Variants in RPH3A observed in about 807,000 individuals in gnomAD.
The protein encoded by RPH3A is rabphilin-3A.
A neutral mutation model predicts 102.2 loss-of-function variants in RPH3A; 48 were observed. That is an observed-to-expected ratio of 0.47 (90% confidence interval 0.37 to 0.60). The LOEUF (loss-of-function observed/expected upper bound fraction) is 0.60, where lower values mean the gene tolerates loss of function less well. Among genes scored for constraint, RPH3A ranks in the 20% least tolerant of loss-of-function variants. The probability of loss-of-function intolerance (pLI) is 0.00; values close to 1 mark genes in which losing one functional copy is unlikely to be tolerated. For synonymous variants in RPH3A, 310 were observed against 324.3 expected, an observed-to-expected ratio of 0.96 and a Z score of 0.47; for missense variants, 781 against 910.1, an observed-to-expected ratio of 0.86 and a Z score of 1.83.
chr12:112,806,842 G>A (rs2041475051), intron 2 of RPH3A, among the ~76,000 whole-genome samples: 1 of 152,090 alleles, frequency 6.6e-6, no homozygotes, highest in Non-Finnish European at 1.5e-5. Flanking sequence ...ATAAATGAAG[G>A]CAAAGATTCT....
chr12:112,633,177 G>A (rs979935661), intron 1 of RPH3A, among the ~76,000 whole-genome samples: 1 of 152,130 alleles, frequency 6.6e-6, no homozygotes, highest in Non-Finnish European at 1.5e-5. Flanking sequence ...TCTAGCCTGG[G>A]CAACAGAGCA....
At chr12:112,624,577 C>A (rs1166866101) in intron 1 of RPH3A, among the ~76,000 whole-genome samples, 1 of 150,698 alleles carries the variant, frequency 6.6e-6, no homozygotes, top group East Asian at 2.0e-4. Context: ...GTTTACCAAC[C>A]AAAAAGAGTC....
chr12:112,739,943 TCC>T (rs11344039), intron 1 of RPH3A, among the ~76,000 whole-genome samples: 2 of 151,790 alleles, frequency 1.3e-5, no homozygotes, highest in South Asian at 4.2e-4. Context: ...TCTCCCTTCA[TCC>T]CCCCCCAGCC....
At chr12:112,841,710 T>TTTTG (rs1004145674) in intron 4 of RPH3A, among the ~76,000 whole-genome samples, 5 of 150,718 alleles carry the variant, frequency 3.3e-5, no homozygotes, top group African/African-American at 1.2e-4. Context: ...TTTTTTGGTT[T>TTTTG]TTTTTTTTTT....
Position 112,756,184 on chromosome 12 carries a change from A to T in RPH3A, c.-139-35959A>T, listed in dbSNP as rs137954384. 9.1e-4 allele frequency among the ~76,000 whole-genome samples: 138 copies of T among 152,138 alleles called. 1 individual carries two copies. The highest frequency in any genetic ancestry group is 3.2e-3 in the African/African-American group (132 of 41,504). On this transcript the variant is annotated intron_variant, in intron 1 of 21. Transcript: ENST00000543106. ...CCTATTTGGTCATTACACATTGTAT[A>T]CATGTGTAATGTATTATTGACATCA...
chr12:112,742,399 G>A (rs182838619), intron 1 of RPH3A, among the ~76,000 whole-genome samples: 1 of 152,222 alleles, frequency 6.6e-6, no homozygotes, highest in East Asian at 1.9e-4. Context: ...ACGGCCATGA[G>A]GAAATCAGCT....
intron 2 of RPH3A, among the ~76,000 whole-genome samples, chr12:112,820,175 G>A (rs182211306): frequency 6.6e-5 from 10 of 152,322 alleles, no homozygotes; most frequent in African/African-American, 2.2e-4. Flanking sequence ...TTGGAGCACC[G>A]TGAAATCTAT....
chr12:112,696,681 T>G (rs1229556950), intron 1 of RPH3A, among the ~76,000 whole-genome samples: 1 of 152,148 alleles, frequency 6.6e-6, no homozygotes, highest in South Asian at 2.1e-4. Flanking sequence ...AGAGGAGAAT[T>G]CCCCCATCAA....
intron 13 of RPH3A, among the ~76,000 whole-genome samples, chr12:112,877,477 G>C (rs1162053984): frequency 7.0e-6 from 1 of 143,030 alleles, no homozygotes; most frequent in Non-Finnish European, 1.5e-5. Context: ...ATTTCCCCCC[G>C]CTAACCCTGG....
intron 1 of RPH3A, among the ~76,000 whole-genome samples, chr12:112,589,929 A>G (rs2039465352): frequency 6.6e-6 from 1 of 152,102 alleles, no homozygotes; most frequent in Non-Finnish European, 1.5e-5. Context: ...CTAAAAATAT[A>G]AAAATTATCT....
chr12:112,665,248 C>T (rs1467877737), intron 1 of RPH3A, among the ~76,000 whole-genome samples: 1 of 152,164 alleles, frequency 6.6e-6, no homozygotes, highest in Non-Finnish European at 1.5e-5. Context: ...ACTTGGACTC[C>T]AGGAACAAAT....
At chr12:112,837,295 G>A (rs931262381) in intron 4 of RPH3A, among the ~76,000 whole-genome samples, 5 of 152,090 alleles carry the variant, frequency 3.3e-5, no homozygotes, top group Non-Finnish European at 5.9e-5. Context: ...CTGGCTGGTG[G>A]TGGGATCGAA....
At chr12:112,882,415 G>A (rs1227468978) in intron 15 of RPH3A, among the ~76,000 whole-genome samples, 1 of 152,094 alleles carries the variant, frequency 6.6e-6, no homozygotes, top group Non-Finnish European at 1.5e-5. Flanking sequence ...CCTGGTTTTT[G>A]TTTTGTGCTT....
At chr12:112,662,226 T>C (rs190939386) in intron 1 of RPH3A, among the ~76,000 whole-genome samples, 52 of 152,340 alleles carry the variant, frequency 3.4e-4, no homozygotes, top group Admixed American at 1.5e-3. Context: ...TTATCTATTG[T>C]AAGGGAGTGT....
chr12:112,651,731 A>G (rs1234428706), intron 1 of RPH3A: 2 of 152,214 alleles, frequency 1.3e-5, no homozygotes, highest in African/African-American at 4.8e-5. Flanking sequence ...TGTACCTGTT[A>G]AACAATAATT....
intron 13 of RPH3A, among the ~76,000 whole-genome samples, chr12:112,877,340 T>C (rs2042820258): frequency 6.6e-6 from 1 of 151,920 alleles, no homozygotes; most frequent in African/African-American, 2.4e-5. Flanking sequence ...TGCATCCTTA[T>C]TGAATGCCTA....
At chr12:112,650,303 G>C (rs1463239828) in intron 1 of RPH3A, among the ~76,000 whole-genome samples, 1 of 152,228 alleles carries the variant, frequency 6.6e-6, no homozygotes, top group Non-Finnish European at 1.5e-5. Context: ...GCCACTTATG[G>C]AGGAGGTGGG....
intron 1 of RPH3A, among the ~76,000 whole-genome samples, chr12:112,617,457 C>G (rs543402478): frequency 2.8e-4 from 43 of 152,298 alleles, no homozygotes; most frequent in African/African-American, 1.0e-3. Flanking sequence ...CACTTACTCA[C>G]TCACCCATTC....
chr12:112,801,738 C>T (rs2136104886), intron 2 of RPH3A, among the ~76,000 whole-genome samples: 1 of 152,282 alleles, frequency 6.6e-6, no homozygotes, highest in East Asian at 1.9e-4. Flanking sequence ...CATCATTGAT[C>T]CTTGCCCGCC....
Sources: gnomAD v4.1 joint callset for allele counts (sites outside exome capture counted in the v4.1 genomes callset) on GRCh38, gnomAD v4.1.1 for gene constraint, MANE v1.5 for transcripts, NCBI Gene and HGNC (gene_info 2026-07-23, HGNC 2026-07-21) for gene names.